Variants in LRRC1 observed in about 807,000 individuals in gnomAD.
The protein encoded by LRRC1 is leucine rich repeat containing 1.
A neutral mutation model predicts 69.9 loss-of-function variants in LRRC1; 28 were observed. That is an observed-to-expected ratio of 0.40 (90% CI 0.30 to 0.55). The LOEUF (loss-of-function observed/expected upper bound fraction) is 0.55, where lower values mean the gene tolerates loss of function less well. Among genes scored for constraint, LRRC1 ranks in the 20% least tolerant of loss-of-function variants. The pLI is 0.47. For synonymous variants in LRRC1, 236 were observed against 240.2 expected, an observed-to-expected ratio of 0.98 and a Z score of 0.16; for missense variants, 498 against 609.0, an observed-to-expected ratio of 0.82 and a Z score of 1.92.
intron 1 of LRRC1, among the ~76,000 whole-genome samples, chr6:53,821,679 C>T (rs917522512): frequency 6.6e-6 from 1 of 152,176 alleles, no homozygotes; most frequent in African/African-American, 2.4e-5. Context: ...CCTCTTAATA[C>T]ATTTTCTCTT....
At position 53,913,917 on chromosome 6, in the gene LRRC1, G is replaced by T. The variant is rs752084774; in HGVS notation, c.1054G>T (p.Ala352Ser). The T allele has an allele frequency of 6.2e-6, 10 of 1,612,558 alleles. No individual in the cohort carries two copies. Among genetic ancestry groups the T allele is most frequent in the Non-Finnish European group, 8.5e-6 (10 of 1,178,894 alleles). The change falls in exon 11 of 14, where the codon GCA becomes TCA. Residue 352 changes from alanine to serine, a missense_variant. This residue lies in a region of LRRC1 where 266 missense variants were observed against 383.9 expected (regional missense o/e 0.69). Transcript: ENST00000370888. ...VRDNRLTRIP[A>S]EVSQATELHV... ...TGACAACAGACTAACTCGGATACCT[G>T]CAGAGGTGTCACAGGCAACAGAACT...
At chr6:53,843,569 C>A (rs1450231188) in intron 2 of LRRC1, among the ~76,000 whole-genome samples, 1 of 152,108 alleles carries the variant, frequency 6.6e-6, no homozygotes, top group Non-Finnish European at 1.5e-5. Flanking sequence ...AAAAGTAAAA[C>A]AAAACTTTTT....
At chr6:53,839,293 A>G (rs1478452710) in intron 1 of LRRC1, among the ~76,000 whole-genome samples, 1 of 152,106 alleles carries the variant, frequency 6.6e-6, no homozygotes, top group Non-Finnish European at 1.5e-5. Flanking sequence ...AGGCAATTGT[A>G]TGATTATATA....
At chr6:53,865,285 T>C (rs1486107681) in intron 2 of LRRC1, among the ~76,000 whole-genome samples, 2 of 152,134 alleles carry the variant, frequency 1.3e-5, no homozygotes, top group Admixed American at 1.3e-4. Context: ...GTTAATAGTT[T>C]ACATGAGAAG....
chr6:53,911,804 A>T (rs1290678180), intron 10 of LRRC1, among the ~76,000 whole-genome samples: 4 of 152,326 alleles, frequency 2.6e-5, no homozygotes, highest in Middle Eastern at 3.4e-3. Flanking sequence ...GACTCTAATA[A>T]TATTGATCAT....
intron 8 of LRRC1, among the ~76,000 whole-genome samples, chr6:53,900,385 G>T (rs189864793): frequency 4.6e-5 from 7 of 152,276 alleles, no homozygotes; most frequent in African/African-American, 1.7e-4. Flanking sequence ...TATTACAGCA[G>T]AAGTTTCTCT....
At chr6:53,817,535 T>C (rs1764986336) in intron 1 of LRRC1, among the ~76,000 whole-genome samples, 1 of 152,110 alleles carries the variant, frequency 6.6e-6, no homozygotes, top group South Asian at 2.1e-4. Context: ...CCTAAAAAAA[T>C]CAAACTTATT....
intron 8 of LRRC1, 136 bp downstream of exon 8, chr6:53,900,027 T>A: frequency 6.0e-6 from 1 of 166,034 alleles, no homozygotes; most frequent in Non-Finnish European, 8.7e-6. Context: ...ACTGTTTTTT[T>A]TTTTTTTTTT....
intron 2 of LRRC1, among the ~76,000 whole-genome samples, chr6:53,865,537 A>G (rs1005495674): frequency 5.3e-5 from 8 of 151,976 alleles, no homozygotes; most frequent in Non-Finnish European, 1.0e-4. Context: ...CAGTTCGTGG[A>G]GTAGTTTTAT....
chr6:53,840,797 G>A (rs1765755750), intron 1 of LRRC1, among the ~76,000 whole-genome samples: 1 of 151,466 alleles, frequency 6.6e-6, no homozygotes, highest in Non-Finnish European at 1.5e-5. Flanking sequence ...TGATTTCTCT[G>A]AGGATATTAA....
Position 53,897,301 on chromosome 6 carries a change from C to G in LRRC1, c.584C>G (p.Ala195Gly). Residue 195 changes from alanine (A) to glycine (G), a missense_variant, in exon 7 of 14, where the codon GCC (alanine) becomes GGC (glycine). Physicochemically the swap from Ala to Gly is moderately conservative, Grantham distance 60. Coordinates refer to ENST00000370888, the MANE Select transcript of LRRC1 (RefSeq NM_018214.5). ...EIYNLPESIG[A>G]LLHLKDLWLD... ...TTGTTTTAGCCAGAATCAATTGGAG[C>G]CCTCTTACATCTAAAAGATCTCTGG... The G allele has an allele frequency of 6.2e-7, 1 of 1,610,776 alleles. No individual in the cohort carries two copies. Among genetic ancestry groups the G allele is most frequent in the Non-Finnish European group, 8.5e-7 (1 of 1,177,790 alleles).
intron 11 of LRRC1, among the ~76,000 whole-genome samples, chr6:53,918,812 T>C: frequency 6.6e-6 from 1 of 152,362 alleles, no homozygotes; most frequent in South Asian, 2.1e-4. Context: ...TAAAGTACTT[T>C]CATTTATACT....
chr6:53,806,053 C>G (rs916149020), intron 1 of LRRC1, among the ~76,000 whole-genome samples: 1 of 152,180 alleles, frequency 6.6e-6, no homozygotes, highest in African/African-American at 2.4e-5. Flanking sequence ...AAGTACTCTT[C>G]CCACTTCTTT....
At chr6:53,919,231 T>C (rs2494085) in intron 11 of LRRC1, 16,219 of 39,540 alleles carry the variant, frequency 0.41, 1,865 homozygotes, top group South Asian at 0.49. Context: ...TTCTCTCTCT[T>C]TTTTTTTTTT....
chr6:53,907,263 T>C (rs1277589207), intron 10 of LRRC1, among the ~76,000 whole-genome samples: 1 of 152,194 alleles, frequency 6.6e-6, no homozygotes, highest in East Asian at 1.9e-4. Context: ...TGCTGACCGA[T>C]TCAATTCATA....
In LRRC1 at chr6:53,795,271, C is replaced by T. The variant is rs753164236; in HGVS notation, c.15C>T (p.Ile5=). Residue 5 remains isoleucine, a synonymous_variant, in exon 1 of 14, where the codon ATC becomes ATT. Transcript: ENST00000370888. The part of the protein sequence containing the change: MFHC[I]PLWRCNRHVE... ...CGGGGGCGGCGATGTTCCACTGCAT[C>T]CCCCTGTGGCGGTGCAACCGTCATG... The T allele has an allele frequency of 2.2e-5, 36 of 1,610,302 alleles. No homozygotes were observed. The highest frequency in any genetic ancestry group is 3.1e-5 in the Non-Finnish European group (36 of 1,179,300).
chr6:53,873,463 T>TA (rs1420914855), intron 2 of LRRC1, among the ~76,000 whole-genome samples: 1 of 151,014 alleles, frequency 6.6e-6, no homozygotes, highest in Admixed American at 6.6e-5. Context: ...GGCTAATTTT[T>TA]TTTTTTTTTG....
chr6:53,805,727 C>G (rs181214432), intron 1 of LRRC1, among the ~76,000 whole-genome samples: 68 of 152,314 alleles, frequency 4.5e-4, no homozygotes, highest in African/African-American at 1.6e-3. Flanking sequence ...AGAATGTACC[C>G]ACTACAGTCT....
chr6:53,904,238 C>CT, intron 9 of LRRC1, 141 bp from the exon 10 acceptor site: 2 of 559,514 alleles, frequency 3.6e-6, no homozygotes, highest in Non-Finnish European at 3.2e-6. Flanking sequence ...GGGAACATTA[C>CT]AAATATCTGA....
Sources: allele counts gnomAD v4.1 joint callset (sites outside exome capture counted in the v4.1 genomes callset), GRCh38; gene constraint gnomAD v4.1.1; regional missense constraint gnomAD v4.1.1; transcripts MANE v1.5; gene names NCBI Gene and HGNC (gene_info 2026-07-23, HGNC 2026-07-21).